PCDH15: variants seen among roughly 807,000 people sequenced by gnomAD.
The protein encoded by PCDH15 is protocadherin-15.
PCDH15 carries 129 observed loss-of-function variants against 178.5 expected under a neutral mutation model. That is an observed-to-expected ratio of 0.72 (90% CI 0.63 to 0.84). The LOEUF (loss-of-function observed/expected upper bound fraction) is 0.84. Among genes scored for constraint, PCDH15 ranks in the 40% least tolerant of loss-of-function variants. The probability of loss-of-function intolerance (pLI) is 0.00; values close to 1 mark genes in which losing one functional copy is unlikely to be tolerated. For synonymous variants in PCDH15, 800 were observed against 732.0 expected (o/e 1.09, Z -1.50); for missense variants, 2,230 against 2,099.9 (o/e 1.06, Z -1.21).
At chr10:53,874,045 G>T (rs750060640) in intron 26 of PCDH15, among the ~76,000 whole-genome samples, 1 of 152,076 alleles carries the variant, frequency 6.6e-6, no homozygotes, top group Non-Finnish European at 1.5e-5. Flanking sequence ...CCAAGTCTAT[G>T]GTATTCTGCT....
At chr10:55,007,056 C>G (rs1362339324) in intron 2 of PCDH15, among the ~76,000 whole-genome samples, 2 of 152,152 alleles carry the variant, frequency 1.3e-5, no homozygotes, top group Non-Finnish European at 2.9e-5. Context: ...CTCTCTTGCT[C>G]TTGCTTTTGC....
chr10:54,857,091 T>G (rs1591745999), intron 3 of PCDH15, among the ~76,000 whole-genome samples: 1 of 152,176 alleles, frequency 6.6e-6, no homozygotes, highest in Non-Finnish European at 1.5e-5. Context: ...TTCTGTTCAG[T>G]GCTTGTTACA....
chr10:54,139,492 T>C (rs1485121229), intron 14 of PCDH15, among the ~76,000 whole-genome samples: 1 of 152,282 alleles, frequency 6.6e-6, no homozygotes, highest in East Asian at 1.9e-4. Context: ...ATTGGGTGTC[T>C]GGGTCATTTC....
chr10:54,330,674 C>T (rs1250775124), intron 6 of PCDH15, among the ~76,000 whole-genome samples: 1 of 151,864 alleles, frequency 6.6e-6, no homozygotes, highest in African/African-American at 2.4e-5. Flanking sequence ...ACATGGAAGT[C>T]ATAAGGGCAA....
At chr10:55,181,677 C>T (rs968135595) in intron 1 of PCDH15, among the ~76,000 whole-genome samples, 11 of 152,008 alleles carry the variant, frequency 7.2e-5, no homozygotes, top group South Asian at 4.1e-4. Context: ...AATTCAAAAT[C>T]ATTTTGTGTA....
intron 18 of PCDH15, among the ~76,000 whole-genome samples, chr10:54,062,253 CAAA>C (rs769054605): frequency 1.3e-5 from 1 of 75,844 alleles, no homozygotes; most frequent in Non-Finnish European, 2.5e-5. Flanking sequence ...AAAAAAAAAA[CAAA>C]AAACAACTAA....
Position 54,426,620 on chromosome 10 carries a change from T to G in PCDH15, c.158-47678A>C, listed in dbSNP as rs995664. ...TCTCTCATGGCCTGTCTTTCAGATC[T>G]GCTGTTTGTCTCGACTCAAGTCTAG... On this transcript the variant is annotated intron_variant, in intron 3 of 37. Coordinates refer to ENST00000644397, the MANE Select transcript of PCDH15 (RefSeq NM_001384140.1). 8.9e-3 allele frequency among the ~76,000 whole-genome samples: 1,358 copies of G among 152,158 alleles called. 25 individuals are homozygous for G. Among genetic ancestry groups the G allele is most frequent in the African/African-American group, 0.031 (1,285 of 41,486 alleles).
chr10:53,968,059 C>T (rs756415943), intron 21 of PCDH15, among the ~76,000 whole-genome samples: 8 of 152,122 alleles, frequency 5.3e-5, no homozygotes, highest in African/African-American at 7.2e-5. Flanking sequence ...GGGGCATTGC[C>T]TCACCTGGGA....
At chr10:53,819,517 C>G (rs1345498490) in intron 33 of PCDH15, among the ~76,000 whole-genome samples, 1 of 151,910 alleles carries the variant, frequency 6.6e-6, no homozygotes. Context: ...AATATCGATG[C>G]ACCTCTTTAT....
At chr10:54,420,044 A>T (rs1396091848) in intron 3 of PCDH15, among the ~76,000 whole-genome samples, 1 of 152,126 alleles carries the variant, frequency 6.6e-6, no homozygotes, top group African/African-American at 2.4e-5. Context: ...TCACACAGAA[A>T]AATCAACTCA....
chr10:54,027,648 C>G (rs1037223451), intron 18 of PCDH15, among the ~76,000 whole-genome samples: 4 of 148,688 alleles, frequency 2.7e-5, no homozygotes, highest in South Asian at 4.4e-4. Flanking sequence ...ATATCTACAA[C>G]TATCTGATCT....
chr10:54,687,703 T>G lies in PCDH15; in HGVS notation c.-28-23413A>C, dbSNP rs992637828. Among the ~76,000 whole-genome samples, 91 of 152,076 alleles carry G rather than the reference T, an allele frequency of 6.0e-4. 1 individual carries two copies. The highest frequency in any genetic ancestry group is 2.6e-4 in the Admixed American group (4 of 15,252). On this transcript the variant is annotated intron_variant, in intron 1 of 37. Coordinates refer to ENST00000644397, the MANE Select transcript of PCDH15 (RefSeq NM_001384140.1). ...CCTCGTTTTTCTGTATGTTTCCTCT[T>G]AGTAATTTTCCATTCACTGAACCCC...
intron 2 of PCDH15, among the ~76,000 whole-genome samples, chr10:55,075,664 G>A (rs1340390250): frequency 6.6e-6 from 1 of 151,684 alleles, no homozygotes; most frequent in Non-Finnish European, 1.5e-5. Context: ...TGCCTGGCCT[G>A]TTTAAACTTT....
chr10:54,077,988 G>A (rs370069939), intron 17 of PCDH15, among the ~76,000 whole-genome samples: 22 of 152,164 alleles, frequency 1.4e-4, no homozygotes, highest in Admixed American at 1.1e-3. Context: ...ACTTGAACCC[G>A]GGAGGCTGAG....
At chr10:54,158,393 G>A (rs2133399094) in intron 13 of PCDH15, among the ~76,000 whole-genome samples, 1 of 152,226 alleles carries the variant, frequency 6.6e-6, no homozygotes, top group East Asian at 1.9e-4. Flanking sequence ...ACTATCATGA[G>A]AACAGCAAGG....
chr10:53,853,768 C>G (rs866171178), intron 28 of PCDH15, among the ~76,000 whole-genome samples: 3 of 151,842 alleles, frequency 2.0e-5, no homozygotes, highest in Middle Eastern at 3.4e-3. Flanking sequence ...GAAAAAGAAC[C>G]AGAAAATAAA....
chr10:55,594,736 G>A (rs995156107), intron 2 of PCDH15, among the ~76,000 whole-genome samples: 7 of 151,948 alleles, frequency 4.6e-5, no homozygotes, highest in African/African-American at 1.4e-4. Context: ...TTTCATACTC[G>A]ATGTTGAAAT....
chr10:54,358,579 C>A (rs1317227325), intron 5 of PCDH15, among the ~76,000 whole-genome samples: 1 of 151,632 alleles, frequency 6.6e-6, no homozygotes, highest in East Asian at 2.0e-4. Context: ...TAAACTAGTT[C>A]AACCATTGTG....
chr10:54,072,101 C>T (rs760213721), intron 17 of PCDH15, among the ~76,000 whole-genome samples: 10 of 151,848 alleles, frequency 6.6e-5, no homozygotes, highest in Non-Finnish European at 1.3e-4. Flanking sequence ...TGTGAGAAAA[C>T]ACAAGAAATG....
Sources: allele counts gnomAD v4.1 joint callset (sites outside exome capture counted in the v4.1 genomes callset), GRCh38; gene constraint gnomAD v4.1.1; transcripts MANE v1.5; gene names NCBI Gene and HGNC (gene_info 2026-07-23, HGNC 2026-07-21).